The following AOAH variants were observed in gnomAD, a reference collection of about 807,000 sequenced individuals.
AOAH encodes acyloxyacyl hydrolase, also known as acyloxyacyl hydrolase (neutrophil).
AOAH carries 64 observed loss-of-function variants against 92.2 expected under a neutral mutation model. The ratio of observed to expected loss-of-function variants is 0.69; its 90% CI spans 0.57 to 0.86. The LOEUF is 0.86. Ranked by LOEUF, AOAH falls within the 40% of genes least tolerant of loss-of-function variation. The pLI, the probability that AOAH is intolerant of heterozygous loss-of-function variation, is 0.00. For synonymous variants in AOAH, 263 were observed against 254.5 expected, an observed-to-expected ratio of 1.03 and a Z score of -0.32; for missense variants, 656 against 694.6, an observed-to-expected ratio of 0.94 and a Z score of 0.62.
intron 1 of AOAH, among the ~76,000 whole-genome samples, chr7:36,721,633 G>T (rs543737110): frequency 8.7e-4 from 133 of 152,306 alleles, no homozygotes; most frequent in African/African-American, 2.7e-3. Flanking sequence ...GTTGGGAGTT[G>T]CTGGGAAAAT....
At chr7:36,633,370 G>A (rs1163633402) in intron 5 of AOAH, among the ~76,000 whole-genome samples, 2 of 152,224 alleles carry the variant, frequency 1.3e-5, no homozygotes, top group African/African-American at 4.8e-5. Flanking sequence ...TGTGATCACA[G>A]ATGAGGAGTA....
chr7:36,639,791 C>T (rs1030265257), intron 4 of AOAH, among the ~76,000 whole-genome samples: 1 of 152,188 alleles, frequency 6.6e-6, no homozygotes, highest in East Asian at 1.9e-4. Context: ...GTGAACCCCA[C>T]GGTGAATGAC....
chr7:36,577,964 G>A (rs1788646151), intron 12 of AOAH, among the ~76,000 whole-genome samples: 1 of 152,144 alleles, frequency 6.6e-6, no homozygotes, highest in Non-Finnish European at 1.5e-5. Context: ...CTTCAGAAAG[G>A]TAAGCATATA....
intron 19 of AOAH, among the ~76,000 whole-genome samples, chr7:36,527,121 A>G (rs1306183678): frequency 1.3e-5 from 2 of 152,216 alleles, no homozygotes; most frequent in Non-Finnish European, 2.9e-5. Context: ...GCCTCTGTTT[A>G]GTTCATAACC....
At chr7:36,606,911 GTTGT>G (rs1173299112) in intron 11 of AOAH, among the ~76,000 whole-genome samples, 3 of 152,196 alleles carry the variant, frequency 2.0e-5, no homozygotes, top group African/African-American at 7.2e-5. Flanking sequence ...AGAAGCTCAG[GTTGT>G]TTAAGAAGAA....
At chr7:36,539,151 T>A (rs1231524244) in intron 16 of AOAH, among the ~76,000 whole-genome samples, 2 of 152,166 alleles carry the variant, frequency 1.3e-5, no homozygotes. Context: ...ATGGGAAATC[T>A]TGCTCCCCAC....
At chr7:36,523,154 C>G (rs1240063707) in intron 19 of AOAH, among the ~76,000 whole-genome samples, 1 of 152,230 alleles carries the variant, frequency 6.6e-6, no homozygotes, top group Non-Finnish European at 1.5e-5. Flanking sequence ...AAAATTCATA[C>G]TGATGGTTTG....
intron 11 of AOAH, among the ~76,000 whole-genome samples, chr7:36,611,660 T>C (rs1791466309): frequency 6.6e-6 from 1 of 152,102 alleles, no homozygotes. Flanking sequence ...ACGAAGACAC[T>C]CCTTTCCTCA....
chr7:36,582,548 A>G (rs1325479185), intron 12 of AOAH, among the ~76,000 whole-genome samples: 1 of 152,224 alleles, frequency 6.6e-6, no homozygotes, highest in African/African-American at 2.4e-5. Context: ...AGGGAACACA[A>G]AAAAATCACT....
At position 36,718,692 on chromosome 7, in the gene AOAH, G is replaced by C. The variant is rs969881833; in HGVS notation, c.127+5330C>G. 5.3e-5 allele frequency among the ~76,000 whole-genome samples: 8 copies of C among 152,162 alleles called. No individual in the cohort carries two copies. In the South Asian group the frequency reaches 6.2e-4, roughly 12 times the overall value. On this transcript the variant is annotated intron_variant, in intron 1 of 20. Transcript: ENST00000617537. The stretch of plus-strand genomic sequence containing the variant: ...GAAAACATTATGCTAAGTCAAAGAG[G>C]CCTGTAGCAAAAGGCCATGTTTTAT...
chr7:36,545,456 G>T (rs1057004999), intron 15 of AOAH, among the ~76,000 whole-genome samples: 1 of 152,050 alleles, frequency 6.6e-6, no homozygotes, highest in Non-Finnish European at 1.5e-5. Flanking sequence ...TTTCTCACTA[G>T]TCCAGGCTCA....
At chr7:36,599,637 TG>T (rs1790399913) in intron 11 of AOAH, 1 of 152,124 alleles carries the variant, frequency 6.6e-6, no homozygotes, top group Non-Finnish European at 1.5e-5. Flanking sequence ...TCAAAGCAGA[TG>T]GGGGATTGTT....
intron 1 of AOAH, among the ~76,000 whole-genome samples, chr7:36,690,612 C>T (rs1349847125): frequency 6.6e-6 from 1 of 152,190 alleles, no homozygotes; most frequent in Admixed American, 6.5e-5. Context: ...TATTCTCTGG[C>T]TGCTAATAAA....
Position 36,631,235 on chromosome 7 carries a change from T to A in AOAH, c.521+801A>T, listed in dbSNP as rs138484351. Among the ~76,000 whole-genome samples, 928 of 151,806 alleles carry A rather than the reference T, an allele frequency of 6.1e-3. 12 individuals carry two copies. Among genetic ancestry groups the A allele is most frequent in the African/African-American group, 0.021 (883 of 41,372 alleles). ...GGTGGTGTGCGCCTGTAATCCCAGC[T>A]ACTAGGGTGGCTGAGGCAGGAGAAT... On this transcript the variant is annotated intron_variant, in intron 6 of 20. Transcript: ENST00000617537.
At chr7:36,615,702 G>A (rs1791822165) in intron 11 of AOAH, among the ~76,000 whole-genome samples, 1 of 152,186 alleles carries the variant, frequency 6.6e-6, no homozygotes, top group Admixed American at 6.5e-5. Context: ...TGATGAACTG[G>A]TAATATACAG....
chr7:36,694,804 A>G, intron 1 of AOAH, among the ~76,000 whole-genome samples: 1 of 152,322 alleles, frequency 6.6e-6, no homozygotes, highest in Non-Finnish European at 1.5e-5. Context: ...GTTAGACATA[A>G]AAAGATATAG....
intron 1 of AOAH, among the ~76,000 whole-genome samples, chr7:36,692,742 A>G (rs1797482348): frequency 6.6e-6 from 1 of 152,230 alleles, no homozygotes; most frequent in East Asian, 1.9e-4. Context: ...AGCACGTACT[A>G]TGTGCCCAGA....
intron 10 of AOAH, 97 bp from the exon 11 acceptor site, chr7:36,616,571 C>T: frequency 1.0e-6 from 1 of 965,234 alleles, no homozygotes; most frequent in Non-Finnish European, 1.6e-6. Flanking sequence ...GTGTGTATTC[C>T]AGGCACCGAG....
At chr7:36,709,845 C>T (rs111975169) in intron 1 of AOAH, among the ~76,000 whole-genome samples, 42 of 152,138 alleles carry the variant, frequency 2.8e-4, no homozygotes, top group African/African-American at 6.7e-4. Flanking sequence ...ATATAAAAAA[C>T]GAAAAACCAT....
Sources: gnomAD v4.1 joint callset for allele counts (sites outside exome capture counted in the v4.1 genomes callset) on GRCh38, gnomAD v4.1.1 for gene constraint, MANE v1.5 for transcripts, NCBI Gene and HGNC (gene_info 2026-07-23, HGNC 2026-07-21) for gene names.